The following CDH19 variants were observed in gnomAD, a reference collection of about 807,000 sequenced individuals.
CDH19 encodes the protein cadherin-19.
Under a neutral mutation model 64.2 loss-of-function variants are expected in CDH19, and 67 were observed. That is an observed-to-expected ratio of 1.04 (90% confidence interval 0.86 to 1.28). The LOEUF is 1.28. Among genes scored for constraint, CDH19 ranks in the 50% most tolerant of loss-of-function variants. The pLI is 0.00. For synonymous variants in CDH19, 346 were observed against 319.3 expected (o/e 1.08, Z -0.89); for missense variants, 1,030 against 929.0 (o/e 1.11, Z -1.41).
At chr18:66,508,410 T>A (rs1000600106) in intron 11 of CDH19, among the ~76,000 whole-genome samples, 17 of 151,570 alleles carry the variant, frequency 1.1e-4, no homozygotes, top group African/African-American at 1.7e-4. Context: ...TTTTTTTTTT[T>A]AAATGCACCT....
At chr18:66,577,086 TATG>T (rs1988287531) in intron 1 of CDH19, among the ~76,000 whole-genome samples, 1 of 151,748 alleles carries the variant, frequency 6.6e-6, no homozygotes, top group Non-Finnish European at 1.5e-5. Flanking sequence ...TGGAGATATT[TATG>T]ATGATACTGG....
chr18:66,597,162 T>TAAAAAAAAAAAAAAAA (rs71169160), intron 1 of CDH19, among the ~76,000 whole-genome samples: 22 of 86,270 alleles, frequency 2.6e-4, no homozygotes, highest in Non-Finnish European at 3.5e-4. Context: ...AATCTTAAGT[T>TAAAAAAAAAAAAAAAA]AAAAAAAAAA....
intron 8 of CDH19, among the ~76,000 whole-genome samples, chr18:66,532,079 GCCTCAGCCTC>G (rs1440180861): frequency 9.2e-5 from 14 of 151,998 alleles, no homozygotes; most frequent in African/African-American, 2.4e-4. Flanking sequence ...CGATTCTCCT[GCCTCAGCCTC>G]CCTAGTAGCT....
chr18:66,531,608 C>T (rs1195748326), intron 8 of CDH19, among the ~76,000 whole-genome samples: 1 of 151,954 alleles, frequency 6.6e-6, no homozygotes, highest in African/African-American at 2.4e-5. Context: ...AGAGTGAAAC[C>T]CTGACTCAGA....
chr18:66,525,785 G>GA (rs1986198070), intron 9 of CDH19, among the ~76,000 whole-genome samples: 2 of 152,024 alleles, frequency 1.3e-5, no homozygotes, highest in African/African-American at 4.8e-5. Context: ...TTAAATGGAG[G>GA]AACATGATAG....
chr18:66,568,278 C>G (rs904534722), intron 3 of CDH19, 138 bp downstream of exon 3: 1 of 633,584 alleles, frequency 1.6e-6, no homozygotes, highest in African/African-American at 1.9e-5. Flanking sequence ...TCTAATTTTT[C>G]AAATATTTTA....
intron 3 of CDH19, among the ~76,000 whole-genome samples, chr18:66,567,751 A>G (rs1407988303): frequency 6.6e-6 from 1 of 151,748 alleles, no homozygotes; most frequent in Admixed American, 6.6e-5. Context: ...TTGTGCTACA[A>G]AAATTTTTTG....
chr18:66,526,651 A>G (rs1268734151), intron 9 of CDH19, among the ~76,000 whole-genome samples: 3 of 152,100 alleles, frequency 2.0e-5, no homozygotes, highest in Non-Finnish European at 2.9e-5. Flanking sequence ...TGCCTTGAAT[A>G]TTATCAAGAT....
chr18:66,568,348 A>C, intron 3 of CDH19, 68 bp downstream of exon 3: 2 of 1,233,368 alleles, frequency 1.6e-6, no homozygotes, highest in Non-Finnish European at 2.3e-6. Flanking sequence ...TACTTCCAAA[A>C]CATATCCTTC....
chr18:66,573,633 T>G lies in CDH19; in HGVS notation c.-112-1317A>C, dbSNP rs569967128. Among the ~76,000 whole-genome samples, 579 of 151,694 alleles carry G rather than the reference T, an allele frequency of 3.8e-3. 3 individuals are homozygous for G. The highest frequency in any genetic ancestry group is 0.014 in the African/African-American group (565 of 41,478). ...TACAATATTATTCATGAAAAAGATT[T>G]TTTTTATAAGTTTGGCAAATTATTA... On this transcript the variant is annotated intron_variant, in intron 1 of 11. Coordinates refer to ENST00000262150, the MANE Select transcript of CDH19 (RefSeq NM_021153.4).
In CDH19 at chr18:66,524,001, A is replaced by C. The variant is rs534521667; in HGVS notation, c.1458+5844T>G. 2.4e-4 allele frequency among the ~76,000 whole-genome samples: 36 copies of C among 152,216 alleles called. No homozygotes were observed. In the Middle Eastern group the frequency reaches 0.014, roughly 58 times the overall value. ...CATGAATGTGCGCCACGAAGCATTA[A>C]ATTGATCAGTGGCAGAGCCCAGAAC... On this transcript the variant is annotated intron_variant, in intron 9 of 11. Coordinates refer to ENST00000262150, the MANE Select transcript of CDH19 (RefSeq NM_021153.4).
intron 3 of CDH19, 21 bp from the exon 4 acceptor site, chr18:66,554,545 G>A (rs779595409): frequency 1.3e-6 from 2 of 1,599,132 alleles, no homozygotes; most frequent in Non-Finnish European, 1.7e-6. Context: ...CATAATACAG[G>A]AAATTAAGAT....
At chr18:66,590,526 T>TA (rs34507203) in intron 1 of CDH19, among the ~76,000 whole-genome samples, 89 of 147,464 alleles carry the variant, frequency 6.0e-4, no homozygotes, top group South Asian at 4.5e-3. Flanking sequence ...CGTATATCTT[T>TA]AAAAAAAAAA....
At chr18:66,513,426 C>T (rs1462665156) in intron 9 of CDH19, among the ~76,000 whole-genome samples, 1 of 151,374 alleles carries the variant, frequency 6.6e-6, no homozygotes, top group Non-Finnish European at 1.5e-5. Flanking sequence ...GTTTTACTGG[C>T]TTTCATAATT....
chr18:66,509,288 A>G, intron 10 of CDH19, 42 bp from the exon 11 acceptor site: 1 of 1,578,822 alleles, frequency 6.3e-7, no homozygotes. Flanking sequence ...CAACTACGTA[A>G]GAGAAATTTG....
In CDH19 at chr18:66,571,015, A is replaced by G. The variant is rs1988083998; in HGVS notation, c.195+995T>C. On this transcript the variant is annotated intron_variant, in intron 2 of 11. Transcript: ENST00000262150. Reference sequence around the variant, plus strand: ...CTAACTGTGGACCTTCTTAGTGCCAACTGTGCGTATTATTTACCTGTAGTC... The same window carrying G: ...CTAACTGTGGACCTTCTTAGTGCCAGCTGTGCGTATTATTTACCTGTAGTC... Among the ~76,000 whole-genome samples, 3 of 151,742 alleles carry G rather than the reference A, an allele frequency of 2.0e-5. No individual in the cohort carries two copies. The South Asian group carries it at 6.2e-4, about 31-fold the overall frequency.
intron 1 of CDH19, among the ~76,000 whole-genome samples, chr18:66,575,735 TA>T (rs1445118023): frequency 1.3e-5 from 2 of 151,662 alleles, no homozygotes; most frequent in African/African-American, 4.8e-5. Context: ...AATAAAATAA[TA>T]CTAGAAGGAA....
At position 66,560,095 on chromosome 18, in the gene CDH19, C is replaced by T. The variant is rs112487772; in HGVS notation, c.491-5571G>A. ...TGTCGCCCAGGTTGGAGTGCAATGGCGTGGTCTCTGAACACTGCAACTTCC... is the reference window on the plus strand; with the variant it reads ...TGTCGCCCAGGTTGGAGTGCAATGGTGTGGTCTCTGAACACTGCAACTTCC... On this transcript the variant is annotated intron_variant, in intron 3 of 11. Coordinates refer to ENST00000262150, the MANE Select transcript of CDH19 (RefSeq NM_021153.4). 3.2e-3 allele frequency among the ~76,000 whole-genome samples: 491 copies of T among 152,018 alleles called. 5 individuals carry two copies. The highest frequency in any genetic ancestry group is 4.9e-3 in the Non-Finnish European group (330 of 67,978).
At chr18:66,563,961 T>C (rs1218362081) in intron 3 of CDH19, among the ~76,000 whole-genome samples, 1 of 151,900 alleles carries the variant, frequency 6.6e-6, no homozygotes, top group African/African-American at 2.4e-5. Flanking sequence ...CAATATTATA[T>C]TTAGAAGAAT....
Sources: allele counts gnomAD v4.1 joint callset (sites outside exome capture counted in the v4.1 genomes callset), GRCh38; gene constraint gnomAD v4.1.1; transcripts MANE v1.5; gene names NCBI Gene and HGNC (gene_info 2026-07-23, HGNC 2026-07-21).